The following PTK2 variants were observed in gnomAD, a reference collection of about 807,000 sequenced individuals.
The protein encoded by PTK2 is protein tyrosine kinase 2, also known as focal adhesion kinase 1.
A neutral mutation model predicts 150.1 loss-of-function variants in PTK2; 45 were observed. The observed-to-expected ratio is 0.30, with a 90% confidence interval of 0.24 to 0.38. PTK2 has a LOEUF of 0.38. Among genes scored for constraint, PTK2 ranks in the 10% least tolerant of loss-of-function variants. The pLI is 1.00. For synonymous variants in PTK2, 432 were observed against 449.2 expected (o/e 0.96, Z 0.48); for missense variants, 919 against 1,307.3 (o/e 0.70, Z 4.58).
At chr8:140,664,722 A>G (rs2087380795) in intron 31 of PTK2, among the ~76,000 whole-genome samples, 195 bp downstream of exon 35, 1 of 152,080 alleles carries the variant, frequency 6.6e-6, no homozygotes, top group Admixed American at 6.5e-5. Flanking sequence ...ACTGCTCCAC[A>G]CCACCCCTAT....
chr8:140,849,960 C>A (rs1431799507), intron 5 of PTK2, among the ~76,000 whole-genome samples: 1 of 152,174 alleles, frequency 6.6e-6, no homozygotes, highest in Non-Finnish European at 1.5e-5. Flanking sequence ...AACCACCTCT[C>A]ATTTACCCTT....
intron 30 of PTK2, among the ~76,000 whole-genome samples, chr8:140,665,238 GAA>G (rs2089454738): frequency 6.6e-6 from 1 of 152,082 alleles, no homozygotes; most frequent in South Asian, 2.1e-4. Context: ...GTTCATGTAA[GAA>G]AAGTCACACA....
At chr8:140,877,009 G>A (rs2100145931) in intron 4 of PTK2, among the ~76,000 whole-genome samples, 1 of 139,728 alleles carries the variant, frequency 7.2e-6, no homozygotes, top group African/African-American at 2.7e-5. Context: ...TACTATGCAT[G>A]TAACTTTCAC....
chr8:140,758,399 A>T (rs1474344789), intron 16 of PTK2, among the ~76,000 whole-genome samples: 2 of 152,072 alleles, frequency 1.3e-5, no homozygotes, highest in Non-Finnish European at 2.9e-5. Context: ...TTCTACTTAT[A>T]AAACAAAACA....
chr8:140,896,487 A>T (rs2100156252), intron 2 of PTK2, among the ~76,000 whole-genome samples: 1 of 152,234 alleles, frequency 6.6e-6, no homozygotes, highest in Non-Finnish European at 1.5e-5. Context: ...TCAAAAAGCA[A>T]TCAGTGTAAT....
At chr8:140,765,612 A>C (rs2100071837) in intron 14 of PTK2, among the ~76,000 whole-genome samples, 1 of 152,196 alleles carries the variant, frequency 6.6e-6, no homozygotes, top group Non-Finnish European at 1.5e-5. Context: ...CGTTTATAAG[A>C]ATACTTAAAA....
At chr8:140,976,916 C>G (rs914695264) in intron 1 of PTK2, among the ~76,000 whole-genome samples, 2 of 152,050 alleles carry the variant, frequency 1.3e-5, no homozygotes, top group Admixed American at 6.5e-5. Context: ...GAATTGGTAA[C>G]ATACAGAACA....
chr8:140,935,717 T>TTTTTTTTTTA (rs1603411890), intron 1 of PTK2, among the ~76,000 whole-genome samples: 2 of 150,210 alleles, frequency 1.3e-5, no homozygotes, highest in Admixed American at 6.7e-5. Flanking sequence ...TTTTTTTTTT[T>TTTTTTTTTTA]GAGACAGAGT....
intron 1 of PTK2, among the ~76,000 whole-genome samples, chr8:140,988,639 G>A (rs766408795): frequency 3.4e-5 from 5 of 147,614 alleles, no homozygotes; most frequent in Non-Finnish European, 7.4e-5. Flanking sequence ...TGAGGCAGGA[G>A]AATGGCGTGA....
At chr8:140,979,648 T>C (rs2100190644) in intron 1 of PTK2, among the ~76,000 whole-genome samples, 1 of 152,220 alleles carries the variant, frequency 6.6e-6, no homozygotes, top group African/African-American at 2.4e-5. Context: ...TCATCTTGAA[T>C]TGTAGCTCCC....
chr8:140,774,879 A>G (rs1160388890), intron 14 of PTK2, among the ~76,000 whole-genome samples: 1 of 152,216 alleles, frequency 6.6e-6, no homozygotes, highest in African/African-American at 2.4e-5. Context: ...GTTACTCTGT[A>G]TGGTCTAAAA....
intron 1 of PTK2, among the ~76,000 whole-genome samples, chr8:140,947,167 C>T (rs1003491414): frequency 2.0e-5 from 3 of 152,168 alleles, no homozygotes; most frequent in African/African-American, 7.2e-5. Context: ...GCTCTGTCCT[C>T]ACTATCCCTA....
At chr8:140,756,653 T>G (rs1267451535) in intron 16 of PTK2, among the ~76,000 whole-genome samples, 6 of 138,212 alleles carry the variant, frequency 4.3e-5, no homozygotes, top group African/African-American at 1.7e-4. Context: ...ATTGCACCAT[T>G]GCACTCCAGC....
chr8:140,720,704 T>C (rs1389941502), intron 22 of PTK2, among the ~76,000 whole-genome samples: 1 of 152,230 alleles, frequency 6.6e-6, no homozygotes, highest in Non-Finnish European at 1.5e-5. Flanking sequence ...GATAATATCC[T>C]GTGTAACTAA....
At chr8:140,735,218 C>T (rs766024700) in intron 22 of PTK2, 33 bp downstream of exon 25, 5 of 1,591,898 alleles carry the variant, frequency 3.1e-6, no homozygotes, top group Non-Finnish European at 8.6e-7. Flanking sequence ...AATCTGCCCC[C>T]ACCCCCAGGC....
intron 22 of PTK2, among the ~76,000 whole-genome samples, chr8:140,731,834 T>C (rs1405396150): frequency 6.6e-6 from 1 of 151,826 alleles, no homozygotes; most frequent in South Asian, 2.1e-4. Context: ...GCATGGGAGG[T>C]GGAGGTTGCA....
chr8:140,887,340 T>C (rs527549952), intron 3 of PTK2, among the ~76,000 whole-genome samples: 3 of 152,296 alleles, frequency 2.0e-5, no homozygotes, highest in African/African-American at 7.2e-5. Context: ...GTACCCAAGA[T>C]CTCCAGATCA....
chr8:140,842,843 T>A (rs1299284288), intron 7 of PTK2, among the ~76,000 whole-genome samples: 1 of 152,104 alleles, frequency 6.6e-6, no homozygotes, highest in Non-Finnish European at 1.5e-5. Context: ...ACTTTAAATA[T>A]CACACATATA....
At chr8:140,823,726 G>T (rs1443539948) in intron 8 of PTK2, among the ~76,000 whole-genome samples, 2 of 152,130 alleles carry the variant, frequency 1.3e-5, no homozygotes, top group Non-Finnish European at 2.9e-5. Flanking sequence ...TTACACAGCT[G>T]AATGCATCAC....
Sources: allele counts gnomAD v4.1 joint callset (sites outside exome capture counted in the v4.1 genomes callset), GRCh38; gene constraint gnomAD v4.1.1; transcripts MANE v1.5; gene names NCBI Gene and HGNC (gene_info 2026-07-23, HGNC 2026-07-21).